GATB: variants seen among roughly 807,000 people sequenced by gnomAD.
The protein encoded by GATB is glutamyl-tRNA(Gln) amidotransferase subunit B, mitochondrial.
In GATB, 39 loss-of-function variants were observed where a neutral mutation model predicts 62.3. That is an observed-to-expected ratio of 0.63 (90% CI 0.48 to 0.82). GATB has a LOEUF of 0.82. Among genes scored for constraint, GATB ranks in the 40% least tolerant of loss-of-function variants. GATB has a pLI of 0.00. For missense variants in GATB, 670 were observed against 684.0 expected (o/e 0.98, Z 0.23); for synonymous variants, 276 against 258.9 (o/e 1.07, Z -0.63).
intron 2 of GATB, among the ~76,000 whole-genome samples, chr4:151,746,514 C>A (rs1739596707): frequency 6.6e-6 from 1 of 152,128 alleles, no homozygotes; most frequent in African/African-American, 2.4e-5. Context: ...GAAGACTTGG[C>A]ACCACAGTAA....
Position 151,670,579 on chromosome 4 carries a change from TCAGTCGATAGG to T in GATB, c.*584_*594del, listed in dbSNP as rs1414754882. On this transcript the variant is annotated 3_prime_UTR_variant, in exon 13 of 13. Transcript: ENST00000263985. The stretch of plus-strand genomic sequence containing the variant: ...GTTTAACAGGCAATATCACTTCTAC[TCAGTCGATAGG>T]TTGATTAATTCTAATAATATCCTCC... 6.6e-6 allele frequency: 1 copy of T among 152,248 alleles called. No individual in the cohort carries two copies. The highest frequency in any genetic ancestry group is 6.5e-5 in the Admixed American group (1 of 15,286). 9.4% of individuals were successfully genotyped at this position (152,248 alleles called of 1,614,324 possible).
At chr4:151,716,350 A>G (rs1738912999) in intron 4 of GATB, 2 of 494,634 alleles carry the variant, frequency 4.0e-6, no homozygotes, top group Non-Finnish European at 6.9e-6. Context: ...TGGCATGATC[A>G]TAGCTCACTG....
intron 5 of GATB, 148 bp downstream of exon 5, chr4:151,715,861 C>CA: frequency 5.4e-6 from 5 of 922,750 alleles, no homozygotes; most frequent in Non-Finnish European, 7.8e-6. Context: ...CAAACAACAA[C>CA]AACAAAAAAA....
chr4:151,745,629 G>T (rs1286672593), intron 2 of GATB, among the ~76,000 whole-genome samples: 1 of 152,194 alleles, frequency 6.6e-6, no homozygotes, highest in East Asian at 1.9e-4. Flanking sequence ...CACAGCATTT[G>T]CATTGTTTGT....
At chr4:151,692,282 A>G (rs1430842350) in intron 9 of GATB, among the ~76,000 whole-genome samples, 1 of 152,214 alleles carries the variant, frequency 6.6e-6, no homozygotes, top group Non-Finnish European at 1.5e-5. Context: ...TCTGTGTGGC[A>G]CTGCCTTTGA....
intron 2 of GATB, among the ~76,000 whole-genome samples, chr4:151,733,956 A>G (rs1739319356): frequency 2.0e-5 from 3 of 152,340 alleles, no homozygotes; most frequent in Non-Finnish European, 4.4e-5. Flanking sequence ...ACTTAACGTA[A>G]TAAAAGCCAT....
At chr4:151,678,021 C>T (rs1349446409) in intron 11 of GATB, 2 of 151,938 alleles carry the variant, frequency 1.3e-5, no homozygotes, top group Non-Finnish European at 2.9e-5. Context: ...CTTTGTTTTT[C>T]TACATTACTT....
At position 151,729,927 on chromosome 4, in the gene GATB, T is replaced by C. The variant is rs7656154; in HGVS notation, c.328-10389A>G. Among the ~76,000 whole-genome samples the C allele has an allele frequency of 5.4e-3, 817 of 152,266 alleles. 5 individuals are homozygous for C. The highest frequency in any genetic ancestry group is 0.019 in the African/African-American group (774 of 41,550). On this transcript the variant is annotated intron_variant, in intron 2 of 12. Transcript: ENST00000263985. ...ACAGAGCAGCATGCGGAGGCTTGCA[T>C]TGTGAATTTTACCTCCAGATCAGCT...
chr4:151,722,268 T>C (rs1339395393), intron 2 of GATB: 2 of 699,818 alleles, frequency 2.9e-6, no homozygotes, highest in Non-Finnish European at 5.2e-6. Flanking sequence ...TAGGGGTACA[T>C]AGATAAATAG....
intron 2 of GATB, among the ~76,000 whole-genome samples, chr4:151,747,491 C>T (rs997744168): frequency 3.3e-5 from 5 of 152,218 alleles, no homozygotes; most frequent in African/African-American, 1.2e-4. Context: ...AATTAACATA[C>T]AAACCGGTTC....
At position 151,730,590 on chromosome 4, in the gene GATB, T is replaced by C. The variant is rs1739223569; in HGVS notation, c.328-11052A>G. On this transcript the variant is annotated intron_variant, in intron 2 of 12. Coordinates refer to ENST00000263985, the MANE Select transcript of GATB (RefSeq NM_004564.3). This position sits in a 1 kb window ranked among gnomAD's most constrained non-coding sequence, Gnocchi z 4.1. The stretch of plus-strand genomic sequence containing the variant: ...CTGAGAGACCAATGGATGGTTCACA[T>C]CACAGGACTCTGTGCAGACAGCCCC... Among the ~76,000 whole-genome samples, 1 of 152,178 alleles carries C rather than the reference T, an allele frequency of 6.6e-6. No individual in the cohort carries two copies. The highest frequency in any genetic ancestry group is 1.5e-5 in the Non-Finnish European group (1 of 68,028).
intron 5 of GATB, among the ~76,000 whole-genome samples, chr4:151,708,481 A>G (rs1445460284): frequency 6.6e-6 from 1 of 152,154 alleles, no homozygotes; most frequent in East Asian, 1.9e-4. Flanking sequence ...GTTTTTTTTC[A>G]AAGTGTCAGA....
At chr4:151,681,504 G>A (rs1327764507) in intron 10 of GATB, among the ~76,000 whole-genome samples, 4 of 152,156 alleles carry the variant, frequency 2.6e-5, no homozygotes, top group Admixed American at 2.0e-4. Flanking sequence ...CTAAAAGCGT[G>A]GGTTGCCTGG....
At chr4:151,703,721 A>G in intron 8 of GATB, 130 bp downstream of exon 8, 1 of 740,046 alleles carries the variant, frequency 1.4e-6, no homozygotes, top group Middle Eastern at 2.3e-4. Context: ...TAGATGTCCC[A>G]TCATGTTACA....
chr4:151,685,898 C>T (rs1377185597), intron 10 of GATB, among the ~76,000 whole-genome samples: 1 of 151,810 alleles, frequency 6.6e-6, no homozygotes, highest in African/African-American at 2.4e-5. Flanking sequence ...AAAGAAAATA[C>T]AAAAATTAGC....
intron 2 of GATB, among the ~76,000 whole-genome samples, chr4:151,752,251 GTTA>G (rs1346117441): frequency 6.6e-6 from 1 of 152,054 alleles, no homozygotes; most frequent in Non-Finnish European, 1.5e-5. Flanking sequence ...TATTCTCAGT[GTTA>G]TTAAGTTTCT....
chr4:151,757,368 G>C lies in GATB; in HGVS notation c.327+1404C>G, dbSNP rs550480827. ...ATACAACCAAAGCTGAGTGAGGCAG[G>C]CATACTGGAGGCACTGCCCAGAATC... On this transcript the variant is annotated intron_variant, in intron 2 of 12. Transcript: ENST00000263985. 2.4e-4 allele frequency among the ~76,000 whole-genome samples: 37 copies of C among 152,020 alleles called. No individual in the cohort carries two copies. In the South Asian group the frequency reaches 7.7e-3, roughly 32 times the overall value.
chr4:151,708,342 ATG>A (rs1738755865), intron 5 of GATB, among the ~76,000 whole-genome samples: 1 of 152,204 alleles, frequency 6.6e-6, no homozygotes, highest in Non-Finnish European at 1.5e-5. Context: ...ACATATACAG[ATG>A]TGTGTGCTTA....
chr4:151,748,020 A>G (rs1269730822), intron 2 of GATB, among the ~76,000 whole-genome samples: 1 of 152,252 alleles, frequency 6.6e-6, no homozygotes. Context: ...AAGAGGACAT[A>G]AACAAATGGA....
Sources: allele counts gnomAD v4.1 joint callset (sites outside exome capture counted in the v4.1 genomes callset), GRCh38; gene constraint gnomAD v4.1.1; non-coding constraint Gnocchi (gnomAD v3.1); transcripts MANE v1.5; gene names NCBI Gene and HGNC (gene_info 2026-07-23, HGNC 2026-07-21).